The following PAK5 variants were observed in gnomAD, a reference collection of about 807,000 sequenced individuals.
PAK5 encodes serine/threonine-protein kinase PAK 5.
PAK5 carries 16 observed loss-of-function variants against 65.9 expected under a neutral mutation model. That is an observed-to-expected ratio of 0.24 (90% CI 0.16 to 0.37). PAK5 has a LOEUF of 0.37. Ranked by LOEUF, PAK5 falls within the 10% of genes least tolerant of loss-of-function variation. The pLI, the probability that PAK5 is intolerant of heterozygous loss-of-function variation, is 1.00. For synonymous variants in PAK5, 371 were observed against 354.9 expected (o/e 1.05, Z -0.51); for missense variants, 785 against 903.9 (o/e 0.87, Z 1.69).
chr20:9,553,858 A>AGCACGTGGACTGTTTCAC (rs2045467416), intron 7 of PAK5, among the ~76,000 whole-genome samples: 1 of 151,846 alleles, frequency 6.6e-6, no homozygotes, highest in African/African-American at 2.4e-5. Flanking sequence ...ATTTCTCTGG[A>AGCACGTGGACTGTTTCAC]TAAATGCCTC....
chr20:9,587,758 T>A (rs540123416), intron 3 of PAK5, among the ~76,000 whole-genome samples: 1 of 152,188 alleles, frequency 6.6e-6, no homozygotes, highest in African/African-American at 2.4e-5. Flanking sequence ...GTGTATACAA[T>A]GGGGTTAATG....
chr20:9,752,361 A>G (rs2048586761), intron 1 of PAK5, among the ~76,000 whole-genome samples: 1 of 152,104 alleles, frequency 6.6e-6, no homozygotes, highest in South Asian at 2.1e-4. Context: ...TAAGAGCAAG[A>G]GGAAAAAACT....
intron 1 of PAK5, among the ~76,000 whole-genome samples, chr20:9,716,249 T>G (rs1039954245): frequency 6.6e-6 from 1 of 152,002 alleles, no homozygotes; most frequent in African/African-American, 2.4e-5. Flanking sequence ...CAGGCAACAA[T>G]AAATTCTAGA....
At position 9,833,556 on chromosome 20, in the gene PAK5, C is replaced by A. The variant is rs370650719; in HGVS notation, c.-162+5206G>T. On this transcript the variant is annotated intron_variant, in intron 1 of 9. Coordinates refer to ENST00000353224, the MANE Select transcript of PAK5 (RefSeq NM_177990.4). ...CACCCCTAGAACTCCACTCTCCACA[C>A]CACCTGTATGTACCACCACCTCCCA... Among the ~76,000 whole-genome samples the A allele has an allele frequency of 2.6e-5, 4 of 151,714 alleles. No homozygotes were observed. The East Asian group carries it at 5.8e-4, about 22-fold the overall frequency.
chr20:9,720,689 G>T (rs530441819), intron 1 of PAK5, among the ~76,000 whole-genome samples: 2 of 152,026 alleles, frequency 1.3e-5, no homozygotes, highest in South Asian at 2.1e-4. Context: ...ATAGCCAAAA[G>T]GTGTTGTAAC....
intron 2 of PAK5, among the ~76,000 whole-genome samples, chr20:9,656,659 T>C (rs1371581521): frequency 1.3e-5 from 2 of 152,178 alleles, no homozygotes; most frequent in Non-Finnish European, 2.9e-5. Flanking sequence ...TGGGGCAAAT[T>C]ACTTAATCTC....
chr20:9,725,711 C>T (rs532130359), intron 1 of PAK5, among the ~76,000 whole-genome samples: 9 of 152,054 alleles, frequency 5.9e-5, no homozygotes, highest in East Asian at 1.9e-4. Flanking sequence ...AACACAAACT[C>T]GTCGTAGTCA....
At chr20:9,764,668 A>G (rs2048736627) in intron 1 of PAK5, among the ~76,000 whole-genome samples, 1 of 152,206 alleles carries the variant, frequency 6.6e-6, no homozygotes, top group Admixed American at 6.5e-5. Context: ...TAACTCATAT[A>G]TAGAAAAGAG....
At chr20:9,760,833 A>T (rs778211704) in intron 1 of PAK5, among the ~76,000 whole-genome samples, 7 of 151,850 alleles carry the variant, frequency 4.6e-5, no homozygotes, top group Non-Finnish European at 8.8e-5. Flanking sequence ...CACCATGCTC[A>T]GCTAATTTTT....
chr20:9,649,121 TTTC>T (rs2047171745), intron 2 of PAK5, among the ~76,000 whole-genome samples: 1 of 152,246 alleles, frequency 6.6e-6, no homozygotes, highest in Non-Finnish European at 1.5e-5. Flanking sequence ...ATTTGAAATA[TTTC>T]TTCATTTCTT....
rs545031083 is a variant in PAK5, at chr20:9,709,844, G to A, written c.-12+1442C>T. On this transcript the variant is annotated intron_variant, in intron 2 of 9. Coordinates refer to ENST00000353224, the MANE Select transcript of PAK5 (RefSeq NM_177990.4). ...CTCCAACAGTAGCTGTTGGCTTCTT[G>A]CAAATTTGGACCTACAAGGTCATTG... 7.2e-5 allele frequency among the ~76,000 whole-genome samples: 11 copies of A among 152,246 alleles called. No individual in the cohort carries two copies. In the East Asian group the frequency reaches 1.7e-3, roughly 24 times the overall value.
chr20:9,796,992 T>C (rs1237714994), intron 1 of PAK5, among the ~76,000 whole-genome samples: 1 of 151,974 alleles, frequency 6.6e-6, no homozygotes. Context: ...TTGAACTAGT[T>C]TACAGTCCCA....
At chr20:9,778,550 G>A (rs1301343179) in intron 1 of PAK5, among the ~76,000 whole-genome samples, 1 of 152,164 alleles carries the variant, frequency 6.6e-6, no homozygotes, top group Non-Finnish European at 1.5e-5. Context: ...TACTTTGGGA[G>A]ATTTTAGATT....
At chr20:9,767,693 C>T (rs966147010) in intron 1 of PAK5, among the ~76,000 whole-genome samples, 2 of 152,080 alleles carry the variant, frequency 1.3e-5, no homozygotes, top group Non-Finnish European at 2.9e-5. Context: ...CTTCAGTCAC[C>T]CCCTTGCCTC....
At chr20:9,544,598 A>G in intron 7 of PAK5, 104 bp from the exon 8 acceptor site, 1 of 1,053,758 alleles carries the variant, frequency 9.5e-7, no homozygotes, top group Non-Finnish European at 1.4e-6. Flanking sequence ...AAACAGTCTC[A>G]TCAACAGGCC....
chr20:9,626,443 T>C (rs1458326946), intron 3 of PAK5, among the ~76,000 whole-genome samples: 1 of 152,252 alleles, frequency 6.6e-6, no homozygotes, highest in Admixed American at 6.5e-5. Flanking sequence ...ACCTTCTAAA[T>C]TACTAGTGCA....
At chr20:9,653,646 A>T (rs2047229207) in intron 2 of PAK5, among the ~76,000 whole-genome samples, 1 of 152,190 alleles carries the variant, frequency 6.6e-6, no homozygotes, top group African/African-American at 2.4e-5. Flanking sequence ...GATGTCTACT[A>T]CATCTATACC....
At position 9,539,339 on chromosome 20, in the gene PAK5, C is replaced by G; in HGVS notation, c.*123G>C. 1.1e-6 allele frequency: 1 copy of G among 899,048 alleles called. No individual in the cohort carries two copies. The highest frequency in any genetic ancestry group is 1.8e-6 in the Non-Finnish European group (1 of 568,950). 55.7% of individuals were successfully genotyped at this position (899,048 alleles called of 1,614,324 possible). A position where few individuals can be genotyped will look rare whatever the true frequency, so the allele number is the denominator to read the frequency against. ...GTCTGTTGAACCCTGCCGGTCATCA[C>G]GCTGTCCCACCAATTGGCTGGTCTA... On this transcript the variant is annotated 3_prime_UTR_variant, in exon 10 of 10. Transcript: ENST00000353224.
At chr20:9,695,195 A>C (rs2047851933) in intron 2 of PAK5, among the ~76,000 whole-genome samples, 1 of 151,990 alleles carries the variant, frequency 6.6e-6, no homozygotes, top group South Asian at 2.1e-4. Context: ...ATATCTGTTC[A>C]AGTCCCTTGC....
Sources: allele counts gnomAD v4.1 joint callset (sites outside exome capture counted in the v4.1 genomes callset), GRCh38; gene constraint gnomAD v4.1.1; transcripts MANE v1.5; gene names NCBI Gene and HGNC (gene_info 2026-07-23, HGNC 2026-07-21).